Variants in DDX23 observed in about 807,000 individuals in gnomAD.
DDX23 encodes DEAD-box helicase 23, also known as probable ATP-dependent RNA helicase DDX23.
In DDX23, 33 loss-of-function variants were observed where a neutral mutation model predicts 102.7. That is an observed-to-expected ratio of 0.32 (90% CI 0.24 to 0.43). The LOEUF (loss-of-function observed/expected upper bound fraction) is 0.43. Ranked by LOEUF, DDX23 falls within the 20% of genes least tolerant of loss-of-function variation. DDX23 has a pLI of 1.00. For synonymous variants in DDX23, 352 were observed against 376.0 expected (o/e 0.94, Z 0.74); for missense variants, 549 against 1,086.6 (o/e 0.51, Z 6.96).
chr12:48,830,212 T>TCC lies in DDX23; in HGVS notation c.*255_*256dup. The TCC allele has an allele frequency of 1.6e-6, 1 of 614,474 alleles. No homozygotes were observed. The allele number at this position is 614,474 out of a possible 1,614,324, so 38.1% of individuals were successfully genotyped here. Reference sequence around the variant, plus strand: ...GGCATGAGCTGATGGCCCAGTGCAATCCCAAAGCAAAGAAGGGCAGAACTG... The same window carrying TCC: ...GGCATGAGCTGATGGCCCAGTGCAATCCCCCAAAGCAAAGAAGGGCAGAACTG... On this transcript the variant is annotated 3_prime_UTR_variant, in exon 17 of 17. Coordinates refer to ENST00000308025, the MANE Select transcript of DDX23 (RefSeq NM_004818.3). The surrounding 1 kb of genome is among the most constrained non-coding windows in gnomAD (Gnocchi z 4.9).
intron 12 of DDX23, 158 bp from the exon 13 acceptor site, chr12:48,833,677 T>G: frequency 1.2e-6 from 1 of 850,550 alleles, no homozygotes. Flanking sequence ...CAAACTGGCA[T>G]GAAATCACTT....
rs769514950 is a variant in DDX23, at chr12:48,832,588, G to A, written c.1804-15C>T. 6 of 1,612,928 alleles carry A rather than the reference G, an allele frequency of 3.7e-6. No individual in the cohort carries two copies. The Admixed American group carries it at 1.0e-4, about 27-fold the overall frequency. On this transcript the variant is annotated splice_polypyrimidine_tract_variant and intron_variant, in intron 13 of 16. Coordinates refer to ENST00000308025, the MANE Select transcript of DDX23 (RefSeq NM_004818.3). The surrounding 1 kb of genome is among the most constrained non-coding windows in gnomAD (Gnocchi z 4.4). ...AACATGACTGTCTACGAAAACAGGA[G>A]GCTCAGCCCTGCACCCAGGCAGGAA...
intron 3 of DDX23, among the ~76,000 whole-genome samples, chr12:48,843,429 C>T (rs564986102): frequency 1.3e-3 from 205 of 151,860 alleles, no homozygotes; most frequent in Non-Finnish European, 2.4e-3. Flanking sequence ...CACACCACTG[C>T]ACTCCAGCCT....
chr12:48,835,195 T>C, intron 11 of DDX23: 1 of 260,094 alleles, frequency 3.8e-6, no homozygotes, highest in Non-Finnish European at 8.2e-6. Flanking sequence ...TAAGCCAAGA[T>C]CACACCACTG....
In DDX23 at chr12:48,832,369, TCA is replaced by T. The variant is rs1361745478; in HGVS notation, c.1955+51_1955+52del. 11 of 1,596,840 alleles carry T rather than the reference TCA, an allele frequency of 6.9e-6. No homozygotes were observed. The highest frequency in any genetic ancestry group is 7.7e-6 in the Non-Finnish European group (9 of 1,168,030). On this transcript the variant is annotated intron_variant, in intron 14 of 16. Transcript: ENST00000308025. The surrounding 1 kb of genome is among the most constrained non-coding windows in gnomAD (Gnocchi z 4.4). Reference sequence around the variant, plus strand: ...CCCTGCACCTGCACTAAAAAAGTTCTCAGAGCCATTTTATTCTCCACCCTGTT... The same window carrying T: ...CCCTGCACCTGCACTAAAAAAGTTCTGAGCCATTTTATTCTCCACCCTGTT...
chr12:48,832,220 T>C lies in DDX23; in HGVS notation c.1956-34A>G. ...AAGAGGAGAAAAACAAGATGCATAA[T>C]ACCTCCCACTCCAAGTGAAATGCCC... is the stretch of plus-strand genomic sequence containing the variant. On this transcript the variant is annotated intron_variant, in intron 14 of 16. Transcript: ENST00000308025. This position sits in a 1 kb window ranked among gnomAD's most constrained non-coding sequence, Gnocchi z 4.4. 2.5e-6 allele frequency: 4 copies of C among 1,605,868 alleles called. No homozygotes were observed. Among genetic ancestry groups the C allele is most frequent in the Non-Finnish European group, 2.6e-6 (3 of 1,172,778 alleles).
intron 8 of DDX23, 70 bp downstream of exon 8, chr12:48,837,211 C>T: frequency 6.4e-7 from 1 of 1,571,054 alleles, no homozygotes; most frequent in South Asian, 1.1e-5. Flanking sequence ...CTTCCTCCAC[C>T]TCCGTAGTCA....
chr12:48,850,474 A>T (rs1292122819), intron 1 of DDX23, among the ~76,000 whole-genome samples: 1 of 152,194 alleles, frequency 6.6e-6, no homozygotes, highest in Non-Finnish European at 1.5e-5. Context: ...ATCTGAACTT[A>T]GGGGAGAGGG....
chr12:48,843,870 C>T (rs1938616595), intron 3 of DDX23, 70 bp downstream of exon 3: 1 of 1,537,030 alleles, frequency 6.5e-7, no homozygotes, highest in Non-Finnish European at 9.0e-7. Flanking sequence ...TCATAAGAAG[C>T]TGAGCAAACT....
At chr12:48,848,989 G>A (rs1209973855) in intron 1 of DDX23, among the ~76,000 whole-genome samples, 1 of 151,828 alleles carries the variant, frequency 6.6e-6, no homozygotes, top group East Asian at 2.0e-4. Context: ...CCTGACCTCA[G>A]GTGATCCGCC....
intron 3 of DDX23, among the ~76,000 whole-genome samples, chr12:48,841,976 G>A (rs2137490047): frequency 6.6e-6 from 1 of 152,050 alleles, no homozygotes; most frequent in African/African-American, 2.4e-5. Flanking sequence ...GGGATGTGAG[G>A]AGCGTCTCTG....
chr12:48,831,605 G>C (rs1469273269), intron 15 of DDX23, among the ~76,000 whole-genome samples: 1 of 152,148 alleles, frequency 6.6e-6, no homozygotes, highest in Non-Finnish European at 1.5e-5. Flanking sequence ...AAGAGAATTA[G>C]GGGCGAGATC....
At position 48,837,371 on chromosome 12, in the gene DDX23, T is replaced by C. The variant is rs753208965; in HGVS notation, c.776A>G (p.Lys259Arg). Residue 259 changes from lysine to arginine, a missense_variant, in exon 8 of 17, where the codon AAA (lysine) becomes AGA (arginine). Coordinates refer to ENST00000308025, the MANE Select transcript of DDX23 (RefSeq NM_004818.3). ...GAGATGTCTCGTTCGGCGCCGCTTT[T>C]TGATGCCACCCAGGTAACGCTCCTA... Reference protein sequence around the residue: ...AIKERYLGGIKKRRRTRHLND... With the variant: ...AIKERYLGGIRKRRRTRHLND... 1 of 1,614,194 alleles carries C rather than the reference T, an allele frequency of 6.2e-7. No homozygotes were observed. The highest frequency in any genetic ancestry group is 1.7e-5 in the Admixed American group (1 of 60,016).
At chr12:48,834,006 G>A (rs954182943) in intron 12 of DDX23, among the ~76,000 whole-genome samples, 4 of 152,164 alleles carry the variant, frequency 2.6e-5, no homozygotes, top group African/African-American at 9.7e-5. Context: ...TAAAAGCACA[G>A]GCTATGGATA....
At chr12:48,841,883 C>A (rs1405193121) in intron 3 of DDX23, among the ~76,000 whole-genome samples, 23 of 152,174 alleles carry the variant, frequency 1.5e-4, no homozygotes, top group African/African-American at 5.3e-4. Context: ...CGGCCGCCAT[C>A]CCATCTAGGA....
rs761252937 is a variant in DDX23, at chr12:48,839,915, G to A, written c.415-6C>T. 1.2e-6 allele frequency: 2 copies of A among 1,614,124 alleles called. No individual in the cohort carries two copies. The highest frequency in any genetic ancestry group is 1.7e-5 in the Admixed American group (1 of 60,008). ...TCCAGGGATAATGGCTGGGCCTGAA[G>A]ATAAAACAGAACTTTAGTCTATAAA... On this transcript the variant is annotated splice_polypyrimidine_tract_variant and splice_region_variant and intron_variant, in intron 4 of 16. Transcript: ENST00000308025.
At chr12:48,848,116 T>G (rs1032906319) in intron 1 of DDX23, among the ~76,000 whole-genome samples, 1 of 151,850 alleles carries the variant, frequency 6.6e-6, no homozygotes, top group African/African-American at 2.4e-5. Flanking sequence ...AAACCCCGTC[T>G]CCACTAAAAA....
chr12:48,844,722 C>T (rs1340066077), intron 2 of DDX23, among the ~76,000 whole-genome samples: 1 of 151,328 alleles, frequency 6.6e-6, no homozygotes, highest in South Asian at 2.1e-4. Context: ...CCACCTGCCT[C>T]GGCCTCCCAA....
In DDX23 at chr12:48,830,517, T is replaced by A; in HGVS notation, c.2415A>T (p.Pro805=). The A allele has an allele frequency of 1.9e-6, 3 of 1,613,688 alleles. No homozygotes were observed. The highest frequency in any genetic ancestry group is 3.3e-5 in the Admixed American group (2 of 60,006). The change falls in exon 17 of 17, where the codon CCA becomes CCT. Residue 805 remains proline, a synonymous_variant. Transcript: ENST00000308025. This position sits in a 1 kb window ranked among gnomAD's most constrained non-coding sequence, Gnocchi z 4.9. Reference sequence around the variant, plus strand: ...GGCGCTTCTTGGTGAGGATGGTGCCTGGCTTATGCTGGGCATCTGGGTGGT... The same window carrying A: ...GGCGCTTCTTGGTGAGGATGGTGCCAGGCTTATGCTGGGCATCTGGGTGGT... ...LANHPDAQHK[P]GTILTKKRRE...
Sources: gnomAD v4.1 joint callset for allele counts (sites outside exome capture counted in the v4.1 genomes callset) on GRCh38, gnomAD v4.1.1 for gene constraint, Gnocchi (gnomAD v3.1) non-coding constraint, MANE v1.5 for transcripts, NCBI Gene and HGNC (gene_info 2026-07-23, HGNC 2026-07-21) for gene names.